FBLN7: variants seen among roughly 807,000 people sequenced by gnomAD.
FBLN7 encodes the protein fibulin-7.
In FBLN7, 31 loss-of-function variants were observed where a neutral mutation model predicts 44.0. The observed-to-expected ratio is 0.70, with a 90% confidence interval of 0.53 to 0.95. FBLN7 has a LOEUF of 0.95. FBLN7 is among the 40% of genes least tolerant of loss of function. FBLN7 has a pLI of 0.00. For synonymous variants in FBLN7, 262 were observed against 253.4 expected (o/e 1.03, Z -0.32); for missense variants, 573 against 618.5 (o/e 0.93, Z 0.78).
At chr2:112,180,689 G>A (rs1374230968) in intron 4 of FBLN7, among the ~76,000 whole-genome samples, 2 of 152,122 alleles carry the variant, frequency 1.3e-5, no homozygotes, top group Non-Finnish European at 2.9e-5. Context: ...GGGAGGCCGA[G>A]GTGGGCAGAT....
chr2:112,211,868 A>G, the FBLN7 span: 2 of 152,216 alleles, frequency 1.3e-5, no homozygotes, highest in African/African-American at 4.8e-5. Flanking sequence ...TGAGTTGGGC[A>G]TCTTGTCCCT....
Position 112,175,719 on chromosome 2 carries a change from A to G in FBLN7, c.412A>G (p.Ser138Gly), listed in dbSNP as rs1682707483. The G allele has an allele frequency of 6.2e-7, 1 of 1,614,198 alleles. No individual in the cohort carries two copies. Among genetic ancestry groups the G allele is most frequent in the East Asian group, 2.2e-5 (1 of 44,892 alleles). ...TGEQPHCRGI[S>G]ECSSQPCQNG... Reference sequence around the variant, plus strand: ...AAAATTATTTATCTTCCTAGGTATCAGTGAATGCTCCAGCCAGCCTTGTCA... The same window carrying G: ...AAAATTATTTATCTTCCTAGGTATCGGTGAATGCTCCAGCCAGCCTTGTCA... The change falls in exon 4 of 8, where the codon AGT becomes GGT. Residue 138 changes from serine (S) to glycine (G), a missense_variant. Physicochemically the swap from Ser to Gly is moderately conservative, Grantham distance 56 (BLOSUM62 0). Transcript: ENST00000331203.
At chr2:112,198,108 C>T in the FBLN7 span, among the ~76,000 whole-genome samples, 6 of 152,188 alleles carry the variant, frequency 3.9e-5, no homozygotes, top group Non-Finnish European at 8.8e-5. Context: ...AACACTCCCT[C>T]CCTGAAACCT....
chr2:112,186,044 G>A (rs1683252255), intron 7 of FBLN7, among the ~76,000 whole-genome samples: 1 of 152,116 alleles, frequency 6.6e-6, no homozygotes, highest in South Asian at 2.1e-4. Flanking sequence ...TTGAGTTAAA[G>A]CAGATTAGAA....
chr2:112,159,555 C>T (rs895929455), intron 1 of FBLN7, 121 bp from the exon 2 acceptor site: 5 of 1,213,240 alleles, frequency 4.1e-6, no homozygotes, highest in Admixed American at 3.1e-5. Context: ...TTTTACGTTG[C>T]GTTGAGTGAG....
intron 2 of FBLN7, among the ~76,000 whole-genome samples, chr2:112,160,148 G>C (rs576688549): frequency 3.3e-5 from 5 of 151,690 alleles, no homozygotes; most frequent in South Asian, 2.1e-4. Flanking sequence ...CCGCCACCAC[G>C]CCCGGCTAAT....
At chr2:112,184,809 T>TATATATATACCATATATAC (rs756956770) in intron 6 of FBLN7, among the ~76,000 whole-genome samples, 1 of 33,704 alleles carries the variant, frequency 3.0e-5, no homozygotes, top group Non-Finnish European at 5.4e-5. Flanking sequence ...CATATATACA[T>TATATATATACCATATATAC]ATATATATAT....
chr2:112,157,020 G>C (rs1471105821), intron 1 of FBLN7, among the ~76,000 whole-genome samples: 2 of 152,152 alleles, frequency 1.3e-5, no homozygotes, highest in Non-Finnish European at 2.9e-5. Flanking sequence ...CTGTATTTTA[G>C]AGAGTTTTTT....
At chr2:112,140,394 G>A (rs909620320) in intron 1 of FBLN7, among the ~76,000 whole-genome samples, 2 of 152,234 alleles carry the variant, frequency 1.3e-5, no homozygotes, top group African/African-American at 4.8e-5. Context: ...AAGGCTGGGG[G>A]ACCCGGGCTT....
At position 112,187,600 on chromosome 2, in the gene FBLN7, T is replaced by G. The variant is rs1169235230; in HGVS notation, c.*94T>G. ...CACCGACTGCGTGGAGCCTCCCGCCTGTTCCCGCCCTCTCACCAGTGCACC... is the reference window on the plus strand; with the variant it reads ...CACCGACTGCGTGGAGCCTCCCGCCGGTTCCCGCCCTCTCACCAGTGCACC... On this transcript the variant is annotated 3_prime_UTR_variant, in exon 8 of 8. Coordinates refer to ENST00000331203, the MANE Select transcript of FBLN7 (RefSeq NM_153214.3). The surrounding 1 kb of genome is among the most constrained non-coding windows in gnomAD (Gnocchi z 5.1). The G allele has an allele frequency of 2.6e-6, 4 of 1,524,000 alleles. No homozygotes were observed. In the East Asian group the frequency reaches 9.1e-5, roughly 34 times the overall value. 94.4% of individuals were successfully genotyped at this position (1,524,000 alleles called of 1,614,324 possible). A position where few individuals can be genotyped will look rare whatever the true frequency, so the allele number is the denominator to read the frequency against.
At chr2:112,145,141 T>C (rs1450920527) in intron 1 of FBLN7, among the ~76,000 whole-genome samples, 1 of 152,242 alleles carries the variant, frequency 6.6e-6, no homozygotes, top group East Asian at 1.9e-4. Flanking sequence ...GTCATTCTAG[T>C]AAGCATGCAG....
chr2:112,193,416 G>T, the FBLN7 span, among the ~76,000 whole-genome samples: 162 of 152,312 alleles, frequency 1.1e-3, no homozygotes, highest in African/African-American at 3.7e-3. Flanking sequence ...CTCCAGCCTA[G>T]GTGACAGAGC....
rs770502609 is a variant in FBLN7 at position 112,159,642 on chromosome 2, A to G, written c.76-34A>G. On this transcript the variant is annotated intron_variant, in intron 1 of 7. Coordinates refer to ENST00000331203, the MANE Select transcript of FBLN7 (RefSeq NM_153214.3). Reference sequence around the variant, plus strand: ...AAGCATGTGGGACTGAGTCAGTCTCAATGGGTGGTGGCGGCGATGTCTTCT... The same window carrying G: ...AAGCATGTGGGACTGAGTCAGTCTCGATGGGTGGTGGCGGCGATGTCTTCT... 2.7e-6 allele frequency: 4 copies of G among 1,480,878 alleles called. No individual in the cohort carries two copies. In the East Asian group the frequency reaches 8.0e-5, roughly 30 times the overall value. The allele number at this position is 1,480,878 out of a possible 1,614,324, so 91.7% of individuals were successfully genotyped here. A position where few individuals can be genotyped will look rare whatever the true frequency, so the allele number is the denominator to read the frequency against.
chr2:112,173,112 T>C (rs1447733156), intron 3 of FBLN7, among the ~76,000 whole-genome samples: 1 of 151,752 alleles, frequency 6.6e-6, no homozygotes, highest in East Asian at 1.9e-4. Context: ...CAGACAAAAG[T>C]GCAAAGGAGG....
At chr2:112,204,834 C>T in the FBLN7 span, among the ~76,000 whole-genome samples, 2 of 152,066 alleles carry the variant, frequency 1.3e-5, no homozygotes, top group East Asian at 3.9e-4. Context: ...AAAGAACACT[C>T]GAGAGTAACT....
the FBLN7 span, among the ~76,000 whole-genome samples, chr2:112,194,181 C>T: frequency 6.6e-6 from 1 of 152,146 alleles, no homozygotes; most frequent in African/African-American, 2.4e-5. Flanking sequence ...ACTGGAACAT[C>T]TACCCTTGGG....
At chr2:112,146,493 G>GTA (rs973511480) in intron 1 of FBLN7, among the ~76,000 whole-genome samples, 26 of 149,190 alleles carry the variant, frequency 1.7e-4, no homozygotes, top group African/African-American at 5.9e-4. Context: ...TCTTTCATCA[G>GTA]TATATATATA....
the FBLN7 span, chr2:112,230,973 T>A: frequency 2.5e-6 from 3 of 1,208,894 alleles, no homozygotes; most frequent in South Asian, 1.6e-5. Flanking sequence ...AAAAATCACA[T>A]AATCATTTTT....
the FBLN7 span, among the ~76,000 whole-genome samples, chr2:112,210,216 G>C: frequency 6.6e-6 from 1 of 151,978 alleles, no homozygotes; most frequent in Admixed American, 6.6e-5. Context: ...GCCCAGAAGA[G>C]TATCAGAGTC....
Sources: allele counts gnomAD v4.1 joint callset (sites outside exome capture counted in the v4.1 genomes callset), GRCh38; gene constraint gnomAD v4.1.1; non-coding constraint Gnocchi (gnomAD v3.1); transcripts MANE v1.5; gene names NCBI Gene and HGNC (gene_info 2026-07-23, HGNC 2026-07-21).